Variants in MATR3 observed in about 807,000 individuals in gnomAD.
The protein encoded by MATR3 is matrin-3.
Under a neutral mutation model 85.5 loss-of-function variants are expected in MATR3, and 4 were observed. The ratio of observed to expected loss-of-function variants is 0.05; its 90% CI spans 0.02 to 0.11. MATR3 has a LOEUF of 0.11. Among genes scored for constraint, MATR3 ranks in the 10% least tolerant of loss-of-function variants. The probability of loss-of-function intolerance (pLI) is 1.00; values close to 1 mark genes in which losing one functional copy is unlikely to be tolerated. For synonymous variants in MATR3, 336 were observed against 343.1 expected (o/e 0.98, Z 0.23); for missense variants, 685 against 1,016.1 (o/e 0.67, Z 4.43).
chr5:139,310,026 G>C (rs776595840), intron 2 of MATR3: 3 of 152,184 alleles, frequency 2.0e-5, no homozygotes, highest in Non-Finnish European at 2.9e-5. Context: ...TCATTAAGCT[G>C]TTGGGACATC....
chr5:139,288,142 A>G (rs1485093240), intron 3 of MATR3, among the ~76,000 whole-genome samples: 2 of 152,202 alleles, frequency 1.3e-5, no homozygotes, highest in Non-Finnish European at 2.9e-5. Flanking sequence ...TGAGCCCAGG[A>G]AATCAAGGCT....
chr5:139,295,618 A>C (rs1754108220), intron 1 of MATR3, among the ~76,000 whole-genome samples: 1 of 152,158 alleles, frequency 6.6e-6, no homozygotes, highest in African/African-American at 2.4e-5. Flanking sequence ...TAATTTTTTT[A>C]CTAATGCTTT....
chr5:139,322,320 C>T (rs905154401), intron 10 of MATR3, 143 bp from the exon 11 acceptor site: 5 of 825,206 alleles, frequency 6.1e-6, no homozygotes, highest in Non-Finnish European at 1.0e-5. Context: ...TGATGAATGT[C>T]TGTAGGCAGC....
chr5:139,286,569 G>A (rs1262412018), intron 3 of MATR3, among the ~76,000 whole-genome samples: 1 of 151,028 alleles, frequency 6.6e-6, no homozygotes, highest in African/African-American at 2.4e-5. Flanking sequence ...CGTTGGCCAG[G>A]CACAGTGGCT....
chr5:139,325,150 G>A (rs1267528645), intron 12 of MATR3: 18 of 1,112,102 alleles, frequency 1.6e-5, no homozygotes, highest in Middle Eastern at 2.1e-4. Context: ...CCGAGATCGC[G>A]CCACTGCACC....
chr5:139,326,461 C>T (rs1267842961), intron 14 of MATR3, among the ~76,000 whole-genome samples, 177 bp downstream of exon 14: 1 of 150,336 alleles, frequency 6.7e-6, no homozygotes, highest in African/African-American at 2.4e-5. Flanking sequence ...TCTCTTGTTG[C>T]CCAGGTTGGA....
chr5:139,314,712 G>A lies in MATR3; in HGVS notation c.950G>A (p.Arg317His), dbSNP rs1274400535. The A allele has an allele frequency of 6.2e-7, 1 of 1,613,630 alleles. No homozygotes were observed. ...SQHINGASHS[R>H]RCQLLLEIYP... Reference sequence around the variant, plus strand: ...CATATCAATGGAGCAAGTCACAGTCGTCGATGCCAGCTTCTTCTTGAAATG... The same window carrying A: ...CATATCAATGGAGCAAGTCACAGTCATCGATGCCAGCTTCTTCTTGAAATG... Residue 317 changes from arginine (R) to histidine (H), a missense_variant, in exon 3 of 15, where the codon CGT (arginine) becomes CAT (histidine). Arg to His is a conservative substitution (Grantham distance 29, BLOSUM62 0). Coordinates refer to ENST00000394805, the MANE Select transcript of MATR3 (RefSeq NM_018834.6).
intron 11 of MATR3, 41 bp from the exon 12 acceptor site, chr5:139,322,557 T>G: frequency 3.8e-6 from 6 of 1,566,216 alleles, no homozygotes; most frequent in Non-Finnish European, 5.2e-6. Context: ...CTTTACTTTT[T>G]CAGACAACAA....
chr5:139,328,952 C>T (rs1755991621), intron 14 of MATR3, among the ~76,000 whole-genome samples: 1 of 151,984 alleles, frequency 6.6e-6, no homozygotes. Context: ...TTGCAGTTAG[C>T]CGAGATCACG....
At chr5:139,309,140 A>T (rs147524995) in intron 2 of MATR3, among the ~76,000 whole-genome samples, 1 of 152,338 alleles carries the variant, frequency 6.6e-6, no homozygotes, top group African/African-American at 2.4e-5. Context: ...ATCTGGCAAA[A>T]TGGGAACTTT....
chr5:139,281,495 A>G (rs548419340), intron 3 of MATR3, among the ~76,000 whole-genome samples: 2 of 151,592 alleles, frequency 1.3e-5, no homozygotes, highest in Admixed American at 1.3e-4. Context: ...GTCACACGCC[A>G]CCACACCTGG....
chr5:139,318,466 T>G (rs1358262895), intron 7 of MATR3, among the ~76,000 whole-genome samples: 1 of 151,586 alleles, frequency 6.6e-6, no homozygotes, highest in Non-Finnish European at 1.5e-5. Context: ...TGTTTTGTTT[T>G]GTGTTTGAGT....
At chr5:139,298,949 A>C (rs913566444) in intron 1 of MATR3, among the ~76,000 whole-genome samples, 6 of 152,208 alleles carry the variant, frequency 3.9e-5, no homozygotes, top group Non-Finnish European at 8.8e-5. Context: ...ATTGTGGATA[A>C]ATCAGTTTTT....
intron 1 of MATR3, among the ~76,000 whole-genome samples, chr5:139,301,558 G>A (rs982977304): frequency 6.6e-6 from 1 of 152,070 alleles, no homozygotes; most frequent in African/African-American, 2.4e-5. Context: ...TGACCTTAAA[G>A]TGATCCTCTC....
chr5:139,294,168 C>T (rs1398636160), intron 1 of MATR3: 13 of 822,986 alleles, frequency 1.6e-5, no homozygotes, highest in Non-Finnish European at 2.1e-5. Flanking sequence ...ACGACTAGCC[C>T]GTTACACGCG....
At chr5:139,295,578 C>G (rs368953457) in intron 1 of MATR3, among the ~76,000 whole-genome samples, 1 of 152,156 alleles carries the variant, frequency 6.6e-6, no homozygotes, top group Non-Finnish European at 1.5e-5. Context: ...TACCCTTGAT[C>G]TGTGCATTTG....
chr5:139,326,619 C>T (rs1357398426), intron 14 of MATR3, among the ~76,000 whole-genome samples: 1 of 152,022 alleles, frequency 6.6e-6, no homozygotes. Context: ...TGGGGTTTCA[C>T]CATGTTGGCT....
intron 14 of MATR3, among the ~76,000 whole-genome samples, chr5:139,327,708 A>G (rs1366915621): frequency 1.3e-5 from 2 of 152,184 alleles, no homozygotes; most frequent in Admixed American, 6.5e-5. Context: ...GGCCTGAGCC[A>G]TAGTGCCCGC....
intron 12 of MATR3, 55 bp from the exon 13 acceptor site, chr5:139,325,385 G>T: frequency 6.3e-7 from 1 of 1,588,660 alleles, no homozygotes; most frequent in East Asian, 2.2e-5. Flanking sequence ...TTCGTAAATC[G>T]GGCATGGCAT....
Sources: gnomAD v4.1 joint callset for allele counts (sites outside exome capture counted in the v4.1 genomes callset) on GRCh38, gnomAD v4.1.1 for gene constraint, MANE v1.5 for transcripts, NCBI Gene and HGNC (gene_info 2026-07-23, HGNC 2026-07-21) for gene names.